SLC38A12: variants seen among roughly 807,000 people sequenced by gnomAD.
The protein encoded by SLC38A12 is putative sodium-coupled neutral amino acid transporter 12.
At chr17:74,839,103 C>T in the SLC38A12 span, 3 of 1,532,500 alleles carry the variant, frequency 2.0e-6, no homozygotes, top group Non-Finnish European at 2.6e-6. Context: ...CCCACCTGAG[C>T]CCCAGAGCCT....
chr17:74,814,405 G>A, the SLC38A12 span, among the ~76,000 whole-genome samples: 6 of 151,900 alleles, frequency 3.9e-5, no homozygotes, highest in Non-Finnish European at 8.8e-5. Flanking sequence ...GTGGGGAGTC[G>A]GGCACCCCAG....
At chr17:74,794,656 G>T in the SLC38A12 span, among the ~76,000 whole-genome samples, 1 of 152,038 alleles carries the variant, frequency 6.6e-6, no homozygotes, top group Non-Finnish European at 1.5e-5. Context: ...ACGCACCTGG[G>T]GTTCAGGCTC....
chr17:74,783,500 G>A, the SLC38A12 span, among the ~76,000 whole-genome samples: 20 of 152,074 alleles, frequency 1.3e-4, no homozygotes, highest in Non-Finnish European at 4.4e-5. Flanking sequence ...GGAGGGGCTG[G>A]GGAGGTGGCA....
At chr17:74,795,063 T>C in the SLC38A12 span, 1 of 1,614,150 alleles carries the variant, frequency 6.2e-7, no homozygotes, top group Non-Finnish European at 8.5e-7. Flanking sequence ...TATGGAGACC[T>C]CGCCATCTAT....
At chr17:74,838,584 A>C in the SLC38A12 span, 2 of 1,236,352 alleles carry the variant, frequency 1.6e-6, no homozygotes, top group Non-Finnish European at 1.0e-6. Context: ...CCTGCCCTGG[A>C]GGGAACTGGC....
At chr17:74,793,258 G>A in the SLC38A12 span, among the ~76,000 whole-genome samples, 8 of 152,160 alleles carry the variant, frequency 5.3e-5, no homozygotes, top group African/African-American at 7.2e-5. Context: ...GTAGGGTGCT[G>A]AGCAGCATCC....
chr17:74,783,287 G>T, the SLC38A12 span, among the ~76,000 whole-genome samples: 2 of 152,238 alleles, frequency 1.3e-5, no homozygotes. Flanking sequence ...AGAGAAGTGA[G>T]ACGCAGCCCA....
the SLC38A12 span, among the ~76,000 whole-genome samples, chr17:74,798,628 G>A: frequency 6.6e-6 from 1 of 152,228 alleles, no homozygotes; most frequent in Non-Finnish European, 1.5e-5. Context: ...GCTCTCTGGG[G>A]TGTCCCAGCA....
the SLC38A12 span, among the ~76,000 whole-genome samples, chr17:74,813,350 T>A: frequency 1.3e-5 from 2 of 152,182 alleles, no homozygotes; most frequent in South Asian, 2.1e-4. Flanking sequence ...GTGCAAAGGG[T>A]AATTGTGTGT....
At chr17:74,819,548 G>C in the SLC38A12 span, among the ~76,000 whole-genome samples, 2 of 152,350 alleles carry the variant, frequency 1.3e-5, no homozygotes, top group East Asian at 1.9e-4. Flanking sequence ...CAGCAGGGAA[G>C]CATGGCTCTG....
the SLC38A12 span, among the ~76,000 whole-genome samples, chr17:74,833,951 T>A: frequency 6.6e-6 from 1 of 152,136 alleles, no homozygotes; most frequent in East Asian, 1.9e-4. Context: ...GTCTGGCCTC[T>A]GTACCCCCAC....
chr17:74,802,081 G>A, the SLC38A12 span, among the ~76,000 whole-genome samples: 67 of 152,200 alleles, frequency 4.4e-4, no homozygotes, highest in African/African-American at 1.5e-3. Flanking sequence ...ACCTTGCTGA[G>A]GACACCTGGG....
the SLC38A12 span, among the ~76,000 whole-genome samples, chr17:74,782,211 G>A: frequency 6.6e-6 from 1 of 152,154 alleles, no homozygotes. Context: ...GGGATTACAG[G>A]CGTGCACCAT....
At chr17:74,830,319 C>A in the SLC38A12 span, among the ~76,000 whole-genome samples, 1 of 152,346 alleles carries the variant, frequency 6.6e-6, no homozygotes, top group South Asian at 2.1e-4. Flanking sequence ...CTTTCATCCC[C>A]TTATAAACCA....
the SLC38A12 span, chr17:74,785,358 C>A: frequency 1.9e-5 from 26 of 1,385,842 alleles, 1 homozygote; most frequent in Non-Finnish European, 2.6e-5. Context: ...CTGCCTCCTT[C>A]CCTGTCTACA....
chr17:74,838,447 A>G, the SLC38A12 span: 1 of 1,021,904 alleles, frequency 9.8e-7, no homozygotes, highest in Non-Finnish European at 1.2e-6. Context: ...GACAAAGCTA[A>G]TTAAATCATC....
At chr17:74,838,958 C>T in the SLC38A12 span, 9 of 1,535,644 alleles carry the variant, frequency 5.9e-6, no homozygotes, top group Admixed American at 2.0e-5. Flanking sequence ...GAGCAGGTGT[C>T]GTTGTGGAGG....
the SLC38A12 span, chr17:74,838,287 G>T: frequency 8.1e-6 from 8 of 985,736 alleles, no homozygotes; most frequent in Non-Finnish European, 8.4e-6. Flanking sequence ...CTATCATTGC[G>T]ACTTCCTCCC....
At chr17:74,819,670 C>T in the SLC38A12 span, 15 of 1,411,122 alleles carry the variant, frequency 1.1e-5, no homozygotes, top group East Asian at 1.1e-4. Flanking sequence ...GCGGAGGCCA[C>T]GTGAGCAGCA....
Sources: allele counts gnomAD v4.1 joint callset (sites outside exome capture counted in the v4.1 genomes callset), GRCh38; gene constraint gnomAD v4.1.1; transcripts MANE v1.5; gene names NCBI Gene and HGNC (gene_info 2026-07-23, HGNC 2026-07-21).